The following MYH14 variants were observed in gnomAD, a reference collection of about 807,000 sequenced individuals.
The protein encoded by MYH14 is myosin heavy chain 14.
Under a neutral mutation model 255.5 loss-of-function variants are expected in MYH14, and 123 were observed. The observed-to-expected ratio is 0.48, with a 90% CI of 0.42 to 0.56. The LOEUF is 0.56. Ranked by LOEUF, MYH14 falls within the 20% of genes least tolerant of loss-of-function variation. The pLI is 0.00. For missense variants in MYH14, 2,423 were observed against 2,802.3 expected, an observed-to-expected ratio of 0.86 and a Z score of 3.06; for synonymous variants, 1,095 against 1,161.2, an observed-to-expected ratio of 0.94 and a Z score of 1.16.
chr19:50,271,504 G>A lies in MYH14; in HGVS notation c.3129G>A (p.Glu1043=). The A allele has an allele frequency of 2.5e-6, 4 of 1,606,870 alleles. No individual in the cohort carries two copies. The South Asian group carries it at 4.5e-5, about 18-fold the overall frequency. Residue 1043 remains glutamate (E), a synonymous_variant, in exon 25 of 43, where the codon GAG becomes GAA. Transcript: ENST00000642316. The part of the protein sequence containing the change: ...TTEAKMKKFE[E]DLLLLEDQNS... Reference sequence around the variant, plus strand: ...AGGCAAAAATGAAGAAATTTGAAGAGGACCTGCTGCTCCTGGAAGACCAGA... The same window carrying A: ...AGGCAAAAATGAAGAAATTTGAAGAAGACCTGCTGCTCCTGGAAGACCAGA...
In MYH14 at chr19:50,280,339, G is replaced by A. The variant is rs777014973; in HGVS notation, c.4246G>A (p.Ala1416Thr). The change falls in exon 32 of 43, where the codon GCC becomes ACC. Residue 1416 changes from alanine (A) to threonine (T), a missense_variant. By Grantham distance (58) the Ala-to-Thr change is moderately conservative. Coordinates refer to ENST00000642316, the MANE Select transcript of MYH14 (RefSeq NM_001145809.2). The surrounding 1 kb of genome is among the most constrained non-coding windows in gnomAD (Gnocchi z 4.8). ...TGAGCAGCTGGAGGAGGAGGCAGCT[G>A]CCAGGGAACGGGCGGGCCGTGAACT... Reference protein sequence around the residue: ...LREQLEEEAAARERAGRELQT... With the variant: ...LREQLEEEAATRERAGRELQT... 1.3e-6 allele frequency: 2 copies of A among 1,548,904 alleles called. No homozygotes were observed. The highest frequency in any genetic ancestry group is 1.2e-5 in the South Asian group (1 of 83,884).
At chr19:50,305,172 G>T (rs1414646683) in intron 40 of MYH14, among the ~76,000 whole-genome samples, 4 of 152,016 alleles carry the variant, frequency 2.6e-5, no homozygotes, top group Admixed American at 2.6e-4. Flanking sequence ...GGGCTAAGGT[G>T]GGAATGGATC....
chr19:50,265,933 C>A (rs1173921611), intron 22 of MYH14, among the ~76,000 whole-genome samples: 1 of 152,038 alleles, frequency 6.6e-6, no homozygotes, highest in Non-Finnish European at 1.5e-5. Context: ...GTTTGCCTAC[C>A]TTAGGTGTTG....
Position 50,250,711 on chromosome 19 carries a change from G to T in MYH14, c.1830+23G>T, listed in dbSNP as rs755334054. 2.5e-6 allele frequency: 4 copies of T among 1,596,852 alleles called. No homozygotes were observed. In the South Asian group the frequency reaches 3.4e-5, roughly 13 times the overall value. ...AAGGTAGGGGCTGGGGCCGGCCTTG[G>T]GGCATGTGGGAGTGGGGATCAAGGG... is the stretch of plus-strand genomic sequence containing the variant. On this transcript the variant is annotated intron_variant, in intron 15 of 42. Transcript: ENST00000642316. This position sits in a 1 kb window ranked among gnomAD's most constrained non-coding sequence, Gnocchi z 5.4.
intron 40 of MYH14, among the ~76,000 whole-genome samples, chr19:50,304,242 A>G (rs878886989): frequency 1.3e-5 from 2 of 152,202 alleles, no homozygotes; most frequent in African/African-American, 2.4e-5. Flanking sequence ...TTATACATCA[A>G]ATTTATATAA....
At position 50,210,606 on chromosome 19, in the gene MYH14, G is replaced by A. The variant is rs2123156761; in HGVS notation, c.241G>A (p.Glu81Lys). 2 of 1,570,656 alleles carry A rather than the reference G, an allele frequency of 1.3e-6. No individual in the cohort carries two copies. Among genetic ancestry groups the A allele is most frequent in the South Asian group, 1.2e-5 (1 of 85,768 alleles). The change falls in exon 2 of 43, where the codon GAG (glutamate) becomes AAG (lysine). Residue 81 changes from glutamate (E) to lysine (K), a missense_variant. By Grantham distance (56) the Glu-to-Lys change is moderately conservative (BLOSUM62 1). This residue lies in a region of MYH14 where 238 missense variants were observed against 245.8 expected (regional missense o/e 0.97). Transcript: ENST00000642316. ...CGAAGGCGAGGAGGAGGCGGAGGTGGAGCTGGCGGAGAGCGGGAGGCGGCT... is the reference window on the plus strand; with the variant it reads ...CGAAGGCGAGGAGGAGGCGGAGGTGAAGCTGGCGGAGAGCGGGAGGCGGCT... The part of the protein sequence containing the change: ...RDEGEEEAEV[E>K]LAESGRRLRL...
chr19:50,289,115 A>G (rs1176923109), intron 34 of MYH14, among the ~76,000 whole-genome samples: 1 of 152,108 alleles, frequency 6.6e-6, no homozygotes, highest in African/African-American at 2.4e-5. Context: ...CACAGTGCAA[A>G]ATTACAAAAC....
Position 50,230,557 on chromosome 19 carries a change from G to C in MYH14, c.907G>C (p.Ala303Pro). Residue 303 changes from alanine to proline, a missense_variant, in exon 9 of 43, where the codon GCC becomes CCC. Coordinates refer to ENST00000642316, the MANE Select transcript of MYH14 (RefSeq NM_001145809.2). This position sits in a 1 kb window ranked among gnomAD's most constrained non-coding sequence, Gnocchi z 4.7. ...GGAGAAGTCGCGGGCCATCCGCCAG[G>C]CCAAGGACGAGTGCAGCTTCCACAT... is the stretch of plus-strand genomic sequence containing the variant. ...LLEKSRAIRQAKDECSFHIFY... is the reference protein window; with the variant it reads ...LLEKSRAIRQPKDECSFHIFY... 2 of 1,570,444 alleles carry C rather than the reference G, an allele frequency of 1.3e-6. No homozygotes were observed. Among genetic ancestry groups the C allele is most frequent in the Non-Finnish European group, 1.7e-6 (2 of 1,158,358 alleles).
intron 22 of MYH14, among the ~76,000 whole-genome samples, chr19:50,263,827 C>T (rs948938946): frequency 3.3e-5 from 5 of 151,912 alleles, no homozygotes; most frequent in Non-Finnish European, 5.9e-5. Context: ...GAGGCCGAGG[C>T]GGGCGGATCA....
At chr19:50,244,956 G>A (rs899982497) in intron 11 of MYH14, among the ~76,000 whole-genome samples, 5 of 152,178 alleles carry the variant, frequency 3.3e-5, no homozygotes, top group Non-Finnish European at 4.4e-5. Flanking sequence ...AGCATTTGGC[G>A]TAGCTTCTCC....
intron 9 of MYH14, among the ~76,000 whole-genome samples, chr19:50,231,450 G>A (rs1031321498): frequency 5.3e-5 from 8 of 152,248 alleles, no homozygotes; most frequent in African/African-American, 1.7e-4. Context: ...ACTCATGCCT[G>A]CAATCCCAGT....
chr19:50,278,296 G>A lies in MYH14; in HGVS notation c.4032+7G>A, dbSNP rs1020504644. 5.2e-6 allele frequency: 8 copies of A among 1,530,220 alleles called. No individual in the cohort carries two copies. The highest frequency in any genetic ancestry group is 2.3e-4 in the Middle Eastern group (1 of 4,324). 94.8% of individuals were successfully genotyped at this position (1,530,220 alleles called of 1,614,324 possible). ...GAAGCTGCAGCGAGCCCAGGTAAGT[G>A]GGGTGGGCAGGGCAGAGGTTTCTGC... On this transcript the variant is annotated splice_region_variant and intron_variant, in intron 30 of 42. Coordinates refer to ENST00000642316, the MANE Select transcript of MYH14 (RefSeq NM_001145809.2).
rs917253727 is a variant in MYH14 at position 50,217,533 on chromosome 19, G to A, written c.406-82G>A. 5.9e-6 allele frequency: 9 copies of A among 1,514,716 alleles called. No individual in the cohort carries two copies. In the Admixed American group the frequency reaches 6.7e-5, roughly 11 times the overall value. 93.8% of individuals were successfully genotyped at this position (1,514,716 alleles called of 1,614,324 possible). On this transcript the variant is annotated intron_variant, in intron 2 of 42. Coordinates refer to ENST00000642316, the MANE Select transcript of MYH14 (RefSeq NM_001145809.2). ...GTGCAGATAGATGCCCTTGTGCAGT[G>A]CACGGCCTGCTCAGCAGCCCCATGA...
At chr19:50,307,188 G>T in intron 41 of MYH14, 31 bp downstream of exon 41, 1 of 1,382,980 alleles carries the variant, frequency 7.2e-7, no homozygotes, top group South Asian at 1.2e-5. Context: ...GGGAGCAGTG[G>T]AGAGTGTGAC....
chr19:50,306,367 C>A (rs1314777206), intron 40 of MYH14, among the ~76,000 whole-genome samples: 2 of 152,184 alleles, frequency 1.3e-5, no homozygotes. Context: ...CCTCTCAGCA[C>A]ATCTGGGGCT....
chr19:50,293,551 C>G lies in MYH14; in HGVS notation c.5346-13C>G. On this transcript the variant is annotated splice_polypyrimidine_tract_variant and intron_variant, in intron 38 of 42. Transcript: ENST00000642316. This position sits in a 1 kb window ranked among gnomAD's most constrained non-coding sequence, Gnocchi z 4.1. ...TCCTGTCCTTTCATCCCCACGCCTTCCTGTCTCCCTAGGGCAGCCATTCTG... is the reference window on the plus strand; with the variant it reads ...TCCTGTCCTTTCATCCCCACGCCTTGCTGTCTCCCTAGGGCAGCCATTCTG... 6.2e-7 allele frequency: 1 copy of G among 1,612,402 alleles called. No homozygotes were observed. The highest frequency in any genetic ancestry group is 8.5e-7 in the Non-Finnish European group (1 of 1,179,322).
At chr19:50,261,189 C>A (rs1169513242) in intron 20 of MYH14, among the ~76,000 whole-genome samples, 1 of 222 alleles carries the variant, frequency 4.5e-3, no homozygotes, top group Non-Finnish European at 0.013. Context: ...TCACCACCCC[C>A]CCATCATCCC....
At chr19:50,219,649 G>A (rs1267127539) in intron 3 of MYH14, among the ~76,000 whole-genome samples, 3 of 152,020 alleles carry the variant, frequency 2.0e-5, no homozygotes, top group Non-Finnish European at 4.4e-5. Context: ...GGTAAATGTA[G>A]CCCCTTAGAC....
At chr19:50,268,672 C>G (rs1041312560) in intron 24 of MYH14, among the ~76,000 whole-genome samples, 4 of 152,012 alleles carry the variant, frequency 2.6e-5, no homozygotes, top group Non-Finnish European at 5.9e-5. Flanking sequence ...AAGTGATATC[C>G]TCAGCTTCAG....
Sources: gnomAD v4.1 joint callset for allele counts (sites outside exome capture counted in the v4.1 genomes callset) on GRCh38, gnomAD v4.1.1 for gene constraint, gnomAD v4.1.1 regional missense constraint, Gnocchi (gnomAD v3.1) non-coding constraint, MANE v1.5 for transcripts, NCBI Gene and HGNC (gene_info 2026-07-23, HGNC 2026-07-21) for gene names.